JARID2: variants seen among roughly 807,000 people sequenced by gnomAD.
The protein encoded by JARID2 is protein Jumonji.
JARID2 carries 21 observed loss-of-function variants against 125.6 expected under a neutral mutation model. The ratio of observed to expected loss-of-function variants is 0.17; its 90% CI spans 0.12 to 0.24. The LOEUF is 0.24. JARID2 is among the 10% of genes least tolerant of loss of function. The pLI, the probability that JARID2 is intolerant of heterozygous loss-of-function variation, is 1.00. For missense variants in JARID2, 1,303 were observed against 1,639.6 expected (o/e 0.79, Z 3.55); for synonymous variants, 736 against 661.6 (o/e 1.11, Z -1.73).
intron 3 of JARID2, among the ~76,000 whole-genome samples, chr6:15,436,309 G>A (rs1034235082): frequency 6.6e-6 from 1 of 152,174 alleles, no homozygotes; most frequent in African/African-American, 2.4e-5. Flanking sequence ...AGAGCCAGAA[G>A]GGAGATGGTT....
chr6:15,401,389 C>T (rs889493462), intron 2 of JARID2, among the ~76,000 whole-genome samples: 2 of 152,188 alleles, frequency 1.3e-5, no homozygotes, highest in Non-Finnish European at 1.5e-5. Context: ...TCTCTGGAGA[C>T]TGAATGCCAT....
At chr6:15,487,751 C>T (rs1272050111) in intron 6 of JARID2, among the ~76,000 whole-genome samples, 1 of 152,242 alleles carries the variant, frequency 6.6e-6, no homozygotes, top group Non-Finnish European at 1.5e-5. Context: ...TTGCATTCAT[C>T]CCTGGGTGCC....
intron 11 of JARID2, among the ~76,000 whole-genome samples, chr6:15,507,764 G>T (rs961121559): frequency 2.0e-5 from 3 of 152,186 alleles, no homozygotes; most frequent in Non-Finnish European, 4.4e-5. Flanking sequence ...CAGTAGGCTC[G>T]TAAGGGACGG....
At chr6:15,501,520 G>GTTGA in intron 8 of JARID2, 111 bp downstream of exon 8, 1 of 1,034,816 alleles carries the variant, frequency 9.7e-7, no homozygotes, top group African/African-American at 1.8e-5. Flanking sequence ...TCCCTGGGGT[G>GTTGA]ATGAGGGGGC....
At chr6:15,489,996 C>T (rs994799810) in intron 6 of JARID2, among the ~76,000 whole-genome samples, 2 of 152,232 alleles carry the variant, frequency 1.3e-5, no homozygotes, top group Admixed American at 1.3e-4. Flanking sequence ...TGATATTTAA[C>T]CTTCCTGGGC....
intron 3 of JARID2, among the ~76,000 whole-genome samples, chr6:15,426,556 C>G (rs1400902263): frequency 1.3e-5 from 2 of 152,158 alleles, no homozygotes; most frequent in East Asian, 3.9e-4. Context: ...AGTGTTGGCT[C>G]CCAAATCAGT....
chr6:15,411,721 C>T (rs372471078), intron 3 of JARID2, among the ~76,000 whole-genome samples: 1 of 152,172 alleles, frequency 6.6e-6, no homozygotes, highest in South Asian at 2.1e-4. Context: ...TAATATTATC[C>T]ATGCCTCCAA....
intron 3 of JARID2, among the ~76,000 whole-genome samples, chr6:15,437,602 C>A (rs150848286): frequency 2.0e-5 from 3 of 152,084 alleles, no homozygotes; most frequent in Non-Finnish European, 2.9e-5. Context: ...TTTTGGGGAG[C>A]CTGCTAATTA....
chr6:15,500,252 GT>G (rs1347682406), intron 7 of JARID2, among the ~76,000 whole-genome samples: 1 of 152,208 alleles, frequency 6.6e-6, no homozygotes, highest in African/African-American at 2.4e-5. Context: ...GCAGCCCGCT[GT>G]CTGGATGGGC....
intron 1 of JARID2, among the ~76,000 whole-genome samples, chr6:15,306,274 C>A (rs1490157854): frequency 1.3e-5 from 2 of 151,954 alleles, no homozygotes; most frequent in Non-Finnish European, 2.9e-5. Flanking sequence ...AGAATTCCTT[C>A]CCCCTGCAGT....
chr6:15,365,671 A>G (rs1480218022), intron 1 of JARID2, among the ~76,000 whole-genome samples: 1 of 152,024 alleles, frequency 6.6e-6, no homozygotes, highest in African/African-American at 2.4e-5. Flanking sequence ...ACATTATTTA[A>G]TGGGAGTTTG....
intron 3 of JARID2, among the ~76,000 whole-genome samples, chr6:15,411,350 TC>T (rs1009301820): frequency 2.6e-5 from 4 of 151,978 alleles, no homozygotes; most frequent in African/African-American, 9.7e-5. Flanking sequence ...ATTCCTGTTT[TC>T]AGGACTGAAA....
chr6:15,273,237 A>C (rs1456173149), intron 1 of JARID2, among the ~76,000 whole-genome samples: 1 of 152,186 alleles, frequency 6.6e-6, no homozygotes, highest in Non-Finnish European at 1.5e-5. Context: ...TGAGCTATTG[A>C]ATACACTTAG....
At chr6:15,333,099 A>G (rs1762771919) in intron 1 of JARID2, among the ~76,000 whole-genome samples, 1 of 151,402 alleles carries the variant, frequency 6.6e-6, no homozygotes, top group African/African-American at 2.4e-5. Flanking sequence ...GGCCCGGCTA[A>G]TTTTTTGTAT....
chr6:15,349,396 C>G (rs1763352060), intron 1 of JARID2, among the ~76,000 whole-genome samples: 1 of 152,280 alleles, frequency 6.6e-6, no homozygotes. Context: ...GTGGGCCTAA[C>G]TGGAGTAGCC....
At chr6:15,301,646 A>G (rs1761629382) in intron 1 of JARID2, among the ~76,000 whole-genome samples, 1 of 152,196 alleles carries the variant, frequency 6.6e-6, no homozygotes, top group Admixed American at 6.5e-5. Flanking sequence ...TTGTGGGGTA[A>G]GTCTCTTCCT....
At chr6:15,476,890 G>A (rs763661841) in intron 5 of JARID2, among the ~76,000 whole-genome samples, 36 of 152,140 alleles carry the variant, frequency 2.4e-4, no homozygotes, top group Non-Finnish European at 4.6e-4. Flanking sequence ...TTTTTCCAGG[G>A]GGTAAGTGAG....
At chr6:15,452,496 A>G (rs1303121215) in intron 4 of JARID2, among the ~76,000 whole-genome samples, 2 of 152,192 alleles carry the variant, frequency 1.3e-5, no homozygotes, top group African/African-American at 4.8e-5. Context: ...TGACACACAC[A>G]CATTGCTGAC....
At chr6:15,247,756 C>T (rs1759240842) in intron 1 of JARID2, 1 of 985,276 alleles carries the variant, frequency 1.0e-6, no homozygotes, top group South Asian at 4.7e-5. Flanking sequence ...CTTATCTAGA[C>T]ACGTCAACTT....
Sources: allele counts gnomAD v4.1 joint callset (sites outside exome capture counted in the v4.1 genomes callset), GRCh38; gene constraint gnomAD v4.1.1; transcripts MANE v1.5; gene names NCBI Gene and HGNC (gene_info 2026-07-23, HGNC 2026-07-21).